ITGA8: variants seen among roughly 807,000 people sequenced by gnomAD.
The protein encoded by ITGA8 is integrin alpha-8.
In ITGA8, 91 loss-of-function variants were observed where a neutral mutation model predicts 142.3. The ratio of observed to expected loss-of-function variants is 0.64; its 90% CI spans 0.54 to 0.76. ITGA8 has a LOEUF of 0.76. Among genes scored for constraint, ITGA8 ranks in the 30% least tolerant of loss-of-function variants. The pLI is 0.00. For missense variants in ITGA8, 1,406 were observed against 1,327.7 expected, an observed-to-expected ratio of 1.06 and a Z score of -0.92; for synonymous variants, 505 against 485.2, an observed-to-expected ratio of 1.04 and a Z score of -0.54.
intron 25 of ITGA8, 90 bp downstream of exon 25, chr10:15,572,121 C>T: frequency 1.8e-6 from 2 of 1,135,294 alleles, no homozygotes; most frequent in Non-Finnish European, 2.5e-6. Flanking sequence ...AAAACGATTT[C>T]ACTCTTCTTT....
At chr10:15,660,771 C>T (rs568588753) in intron 9 of ITGA8, 108 bp downstream of exon 9, 15 of 897,568 alleles carry the variant, frequency 1.7e-5, no homozygotes, top group Admixed American at 4.1e-5. Flanking sequence ...AGTGTGTTTT[C>T]AACTGACAGT....
intron 26 of ITGA8, among the ~76,000 whole-genome samples, chr10:15,549,478 T>A (rs1391960452): frequency 6.6e-6 from 1 of 152,184 alleles, no homozygotes; most frequent in Non-Finnish European, 1.5e-5. Context: ...CCCAAGGTGT[T>A]GGGATTACAG....
At chr10:15,559,071 T>C (rs1337435942) in intron 25 of ITGA8, among the ~76,000 whole-genome samples, 1 of 152,180 alleles carries the variant, frequency 6.6e-6, no homozygotes, top group Non-Finnish European at 1.5e-5. Flanking sequence ...AAAAGAAATT[T>C]CTACATGGCC....
chr10:15,719,333 C>T (rs1262853106), intron 1 of ITGA8, among the ~76,000 whole-genome samples: 1 of 152,222 alleles, frequency 6.6e-6, no homozygotes, highest in Non-Finnish European at 1.5e-5. Context: ...CCTGGAACAC[C>T]CAGGACTTGC....
intron 21 of ITGA8, among the ~76,000 whole-genome samples, chr10:15,594,140 G>A (rs754604336): frequency 2.6e-5 from 4 of 151,776 alleles, no homozygotes; most frequent in Non-Finnish European, 5.9e-5. Flanking sequence ...GGGCCCGGCC[G>A]GATGAATTTT....
chr10:15,650,730 T>TC (rs1834070067), intron 11 of ITGA8, among the ~76,000 whole-genome samples: 1 of 152,190 alleles, frequency 6.6e-6, no homozygotes, highest in African/African-American at 2.4e-5. Flanking sequence ...TCTTTTTTTT[T>TC]CCCAGTAGTA....
rs139367519 is a variant in ITGA8, at chr10:15,575,554, A to C, written c.2413T>G (p.Trp805Gly). 1 of 1,613,928 alleles carries C rather than the reference A, an allele frequency of 6.2e-7. No individual in the cohort carries two copies. The highest frequency in any genetic ancestry group is 1.3e-5 in the African/African-American group (1 of 74,916). ...TTGTGGGGCTCCTCTTCTGGTTCCC[A>C]GTTATGAATGGGCAGAACAATCTGC... is the stretch of plus-strand genomic sequence containing the variant. ...PPQIVLPIHN[W>G]EPEEEPHKEE... is the part of the protein sequence containing the mutation. The change falls in exon 24 of 30, where the codon TGG becomes GGG. Residue 805 changes from tryptophan to glycine, a missense_variant. Transcript: ENST00000378076.
intron 26 of ITGA8, among the ~76,000 whole-genome samples, chr10:15,556,506 G>A (rs1833892220): frequency 6.6e-6 from 1 of 152,136 alleles, no homozygotes; most frequent in Non-Finnish European, 1.5e-5. Context: ...TTCCCAGCCT[G>A]TCCCTGCCCC....
chr10:15,563,871 A>G, intron 25 of ITGA8, among the ~76,000 whole-genome samples: 1 of 151,898 alleles, frequency 6.6e-6, no homozygotes, highest in African/African-American at 2.4e-5. Flanking sequence ...GAGCCAAGAT[A>G]GTGCCACTGC....
chr10:15,712,355 G>T (rs1430843734), intron 2 of ITGA8, among the ~76,000 whole-genome samples: 1 of 152,138 alleles, frequency 6.6e-6, no homozygotes, highest in East Asian at 1.9e-4. Flanking sequence ...GCCAAGGCAG[G>T]CAGATCACTT....
chr10:15,674,631 T>A (rs1003914309), intron 6 of ITGA8, among the ~76,000 whole-genome samples: 2 of 152,212 alleles, frequency 1.3e-5, no homozygotes, highest in Non-Finnish European at 2.9e-5. Flanking sequence ...TAAGTTTATA[T>A]ACAATTTTAT....
At chr10:15,710,905 C>T in intron 2 of ITGA8, among the ~76,000 whole-genome samples, 1 of 152,142 alleles carries the variant, frequency 6.6e-6, no homozygotes, top group East Asian at 1.9e-4. Flanking sequence ...TCAGTATGTC[C>T]TGGAAGTCAG....
At chr10:15,602,243 C>T (rs1024538534) in intron 20 of ITGA8, among the ~76,000 whole-genome samples, 2 of 152,082 alleles carry the variant, frequency 1.3e-5, no homozygotes, top group African/African-American at 2.4e-5. Flanking sequence ...TTTGTTTATG[C>T]GTTATCTGCA....
At chr10:15,598,767 G>A (rs1485934362) in intron 20 of ITGA8, among the ~76,000 whole-genome samples, 1 of 152,216 alleles carries the variant, frequency 6.6e-6, no homozygotes, top group Non-Finnish European at 1.5e-5. Context: ...TAGTTATTGA[G>A]AAAGGAATGG....
At chr10:15,562,912 G>T (rs1834009383) in intron 25 of ITGA8, among the ~76,000 whole-genome samples, 1 of 152,188 alleles carries the variant, frequency 6.6e-6, no homozygotes, top group Non-Finnish European at 1.5e-5. Context: ...CCCAATGTGG[G>T]AGGTGGGGCC....
At chr10:15,600,478 G>T (rs185270499) in intron 20 of ITGA8, among the ~76,000 whole-genome samples, 12 of 152,316 alleles carry the variant, frequency 7.9e-5, no homozygotes, top group Admixed American at 7.8e-4. Context: ...AGGAGAAACG[G>T]CTGGAACAAG....
At chr10:15,533,568 T>C (rs1263819333) in intron 27 of ITGA8, among the ~76,000 whole-genome samples, 1 of 152,214 alleles carries the variant, frequency 6.6e-6, no homozygotes, top group African/African-American at 2.4e-5. Context: ...TCAAATGCGT[T>C]TCCATGCTCC....
intron 28 of ITGA8, among the ~76,000 whole-genome samples, chr10:15,530,598 T>C (rs1833269442): frequency 6.6e-6 from 1 of 150,770 alleles, no homozygotes; most frequent in South Asian, 2.1e-4. Flanking sequence ...GAGTAGACTT[T>C]TTTATTCCCT....
intron 26 of ITGA8, among the ~76,000 whole-genome samples, chr10:15,551,831 G>A (rs1588639438): frequency 6.6e-6 from 1 of 152,192 alleles, no homozygotes; most frequent in East Asian, 1.9e-4. Context: ...CAGGACATAG[G>A]GGGTCATAAG....
Sources: allele counts gnomAD v4.1 joint callset (sites outside exome capture counted in the v4.1 genomes callset), GRCh38; gene constraint gnomAD v4.1.1; transcripts MANE v1.5; gene names NCBI Gene and HGNC (gene_info 2026-07-23, HGNC 2026-07-21).